The following SIPA1L3 variants were observed in gnomAD, a reference collection of about 807,000 sequenced individuals.
SIPA1L3 encodes signal induced proliferation associated 1 like 3.
SIPA1L3 carries 59 observed loss-of-function variants against 150.1 expected under a neutral mutation model. The ratio of observed to expected loss-of-function variants is 0.39; its 90% CI spans 0.32 to 0.49. SIPA1L3 has a LOEUF of 0.49. Ranked by LOEUF, SIPA1L3 falls within the 20% of genes least tolerant of loss-of-function variation. The pLI, the probability that SIPA1L3 is intolerant of heterozygous loss-of-function variation, is 0.86. For missense variants in SIPA1L3, 2,211 were observed against 2,489.5 expected (o/e 0.89, Z 2.38); for synonymous variants, 1,070 against 1,077.6 (o/e 0.99, Z 0.14).
chr19:38,182,375 G>A, intron 15 of SIPA1L3, 144 bp from the exon 16 acceptor site: 1 of 674,308 alleles, frequency 1.5e-6, no homozygotes, highest in Non-Finnish European at 2.6e-6. Flanking sequence ...CTATACTGTT[G>A]GAATTTTCCA....
intron 3 of SIPA1L3, among the ~76,000 whole-genome samples, chr19:38,086,365 C>A (rs1013589729): frequency 2.0e-5 from 3 of 151,578 alleles, no homozygotes; most frequent in South Asian, 2.1e-4. Flanking sequence ...TTAAAAATTT[C>A]TTTGTAGCCC....
Position 38,046,539 on chromosome 19 carries a change from GA to G in SIPA1L3, c.-311+17384del, listed in dbSNP as rs1969062169. 6.6e-6 allele frequency among the ~76,000 whole-genome samples: 1 copy of G among 152,168 alleles called. No individual in the cohort carries two copies. The highest frequency in any genetic ancestry group is 1.5e-5 in the Non-Finnish European group (1 of 68,032). ...GGGTGGCCGGGGAGGGGAGTTTCCA[GA>G]TTACCTGTGTCTCCTGGGCATGGCA... On this transcript the variant is annotated intron_variant, in intron 2 of 21. Transcript: ENST00000222345. The surrounding 1 kb of genome is among the most constrained non-coding windows in gnomAD (Gnocchi z 5.6).
chr19:38,081,341 G>T lies in SIPA1L3; in HGVS notation c.-225G>T. ...TCTGCGCTACTGAGCCACTCGGTCT[G>T]GAGCCCCCAGGACAGCACCTGCTTC... On this transcript the variant is annotated 5_prime_UTR_variant, in exon 3 of 22. Transcript: ENST00000222345. The T allele has an allele frequency of 1.9e-6, 1 of 516,778 alleles. No homozygotes were observed. Among genetic ancestry groups the T allele is most frequent in the Non-Finnish European group, 3.4e-6 (1 of 293,244 alleles). The allele number at this position is 516,778 out of a possible 1,614,324, so 32.0% of individuals were successfully genotyped here.
chr19:38,143,936 C>A (rs1450759316), intron 12 of SIPA1L3, among the ~76,000 whole-genome samples: 1 of 152,188 alleles, frequency 6.6e-6, no homozygotes, highest in Non-Finnish European at 1.5e-5. Context: ...CCTGTGGCCA[C>A]CAGGGCCCCT....
chr19:38,162,843 G>A (rs1972124297), intron 14 of SIPA1L3, among the ~76,000 whole-genome samples: 1 of 152,184 alleles, frequency 6.6e-6, no homozygotes, highest in Admixed American at 6.5e-5. Context: ...GGAGGTGAGT[G>A]GGAGAAAAGA....
chr19:38,160,018 A>T (rs1159591671), intron 13 of SIPA1L3, among the ~76,000 whole-genome samples: 1 of 151,850 alleles, frequency 6.6e-6, no homozygotes, highest in Non-Finnish European at 1.5e-5. Flanking sequence ...TTTATTTTTT[A>T]TTTATTTTTT....
rs1466012643 is a variant in SIPA1L3 at position 38,206,258 on chromosome 19, C to G, written c.*18C>G. ...AGCTCTGAGGTGGGAGGCCGCCGCCCGCCTTCGCTCCTTCCCCTCAGGCCG... is the reference window on the plus strand; with the variant it reads ...AGCTCTGAGGTGGGAGGCCGCCGCCGGCCTTCGCTCCTTCCCCTCAGGCCG... On this transcript the variant is annotated 3_prime_UTR_variant, in exon 22 of 22. Transcript: ENST00000222345. 4 of 1,529,034 alleles carry G rather than the reference C, an allele frequency of 2.6e-6. No homozygotes were observed. Among genetic ancestry groups the G allele is most frequent in the East Asian group, 2.5e-5 (1 of 40,584 alleles). The allele number at this position is 1,529,034 out of a possible 1,614,324, so 94.7% of individuals were successfully genotyped here.
At position 37,934,641 on chromosome 19, in the gene SIPA1L3, C is replaced by T. The variant is rs77100622; in HGVS notation, c.-379+27283C>T. 7.0e-3 allele frequency among the ~76,000 whole-genome samples: 1,066 copies of T among 152,118 alleles called. 35 individuals carry two copies. Among genetic ancestry groups the T allele is most frequent in the East Asian group, 0.068 (351 of 5,164 alleles). On this transcript the variant is annotated intron_variant, in intron 1 of 21. Transcript: ENST00000222345. The stretch of plus-strand genomic sequence containing the variant: ...TTTTCAAGCCCCTTTTTAATATTTT[C>T]GGTCTGTCCTTTTTTGTGCCCACCC...
intron 1 of SIPA1L3, among the ~76,000 whole-genome samples, chr19:38,008,376 T>A (rs1482240698): frequency 6.6e-6 from 1 of 151,832 alleles, no homozygotes; most frequent in Non-Finnish European, 1.5e-5. Context: ...TACAGGCACC[T>A]GCCACCATGC....
At chr19:38,024,000 C>T (rs1053683351) in intron 1 of SIPA1L3, among the ~76,000 whole-genome samples, 3 of 152,124 alleles carry the variant, frequency 2.0e-5, no homozygotes, top group Admixed American at 1.3e-4. Flanking sequence ...TTGGCCAGCC[C>T]TTCTTCCTTG....
chr19:38,010,420 A>T (rs1196343071), intron 1 of SIPA1L3, among the ~76,000 whole-genome samples: 2 of 151,820 alleles, frequency 1.3e-5, no homozygotes, highest in African/African-American at 4.8e-5. Context: ...TTAAAAAAAA[A>T]AAAAAAGGGT....
Position 38,141,202 on chromosome 19 carries a change from C to T in SIPA1L3, c.3162C>T (p.Tyr1054=), listed in dbSNP as rs1430340164. The T allele has an allele frequency of 8.1e-6, 13 of 1,602,876 alleles. No individual in the cohort carries two copies. The highest frequency in any genetic ancestry group is 3.3e-5 in the South Asian group (3 of 89,798). ...TCCCCAGGGGTTGGCCGGAGACCTA[C>T]GACATGAATACCTCGGAGCCCAAGA... ...GTPRRGWPET[Y]DMNTSEPKTE... is the part of the protein sequence containing the mutation. The change falls in exon 11 of 22, where the codon TAC becomes TAT. Residue 1054 remains tyrosine, a synonymous_variant. Coordinates refer to ENST00000222345, the MANE Select transcript of SIPA1L3 (RefSeq NM_015073.3).
At chr19:38,056,698 TC>T (rs1969322739) in intron 2 of SIPA1L3, among the ~76,000 whole-genome samples, 2 of 152,278 alleles carry the variant, frequency 1.3e-5, no homozygotes, top group South Asian at 4.1e-4. Flanking sequence ...TGGAAGTAAA[TC>T]AAATGAATGA....
chr19:38,070,541 T>C (rs986638490), intron 2 of SIPA1L3, among the ~76,000 whole-genome samples: 28 of 152,300 alleles, frequency 1.8e-4, no homozygotes, highest in African/African-American at 6.5e-4. Context: ...ATTGAGTAAA[T>C]GAATGGATTT....
At chr19:38,126,217 A>C (rs992555201) in intron 9 of SIPA1L3, among the ~76,000 whole-genome samples, 1 of 152,056 alleles carries the variant, frequency 6.6e-6, no homozygotes, top group Non-Finnish European at 1.5e-5. Context: ...ACAAAAAAAA[A>C]CACCACGCAA....
chr19:38,066,792 C>CTCCG (rs1555782744), intron 2 of SIPA1L3, among the ~76,000 whole-genome samples: 1 of 151,952 alleles, frequency 6.6e-6, no homozygotes, highest in African/African-American at 2.4e-5. Flanking sequence ...CGCCACTGCA[C>CTCCG]TCCAGCCTGG....
At chr19:37,981,165 C>T (rs1821076206) in intron 1 of SIPA1L3, among the ~76,000 whole-genome samples, 1 of 152,004 alleles carries the variant, frequency 6.6e-6, no homozygotes, top group Non-Finnish European at 1.5e-5. Context: ...CTGTGAAGTG[C>T]CTTATGCCTG....
chr19:38,019,924 C>A (rs900311688), intron 1 of SIPA1L3, among the ~76,000 whole-genome samples: 8 of 152,040 alleles, frequency 5.3e-5, no homozygotes, highest in Non-Finnish European at 8.8e-5. Context: ...CATATCTGCA[C>A]AAAACTTTTT....
At position 38,117,578 on chromosome 19, in the gene SIPA1L3, C is replaced by T. The variant is rs940559501; in HGVS notation, c.2292-1728C>T. Reference sequence around the variant, plus strand: ...AGGTTGTGGTGAGCCGAGATTGTGCCATTGTACTCCAGCCTGAGCTACAGA... The same window carrying T: ...AGGTTGTGGTGAGCCGAGATTGTGCTATTGTACTCCAGCCTGAGCTACAGA... On this transcript the variant is annotated intron_variant, in intron 8 of 21. Transcript: ENST00000222345. Among the ~76,000 whole-genome samples, 9 of 151,486 alleles carry T rather than the reference C, an allele frequency of 5.9e-5. No individual in the cohort carries two copies. The East Asian group carries it at 1.4e-3, about 23-fold the overall frequency.
Sources: gnomAD v4.1 joint callset for allele counts (sites outside exome capture counted in the v4.1 genomes callset) on GRCh38, gnomAD v4.1.1 for gene constraint, Gnocchi (gnomAD v3.1) non-coding constraint, MANE v1.5 for transcripts, NCBI Gene and HGNC (gene_info 2026-07-23, HGNC 2026-07-21) for gene names.